THSD7B: variants seen among roughly 807,000 people sequenced by gnomAD.
The protein encoded by THSD7B is thrombospondin type 1 domain containing 7B.
A neutral mutation model predicts 213.6 loss-of-function variants in THSD7B; 138 were observed. That is an observed-to-expected ratio of 0.65 (90% CI 0.56 to 0.74). The LOEUF (loss-of-function observed/expected upper bound fraction) is 0.74. THSD7B is among the 30% of genes least tolerant of loss of function. The probability of loss-of-function intolerance (pLI) is 0.00; values close to 1 mark genes in which losing one functional copy is unlikely to be tolerated. For missense variants in THSD7B, 1,931 were observed against 1,991.5 expected (o/e 0.97, Z 0.58); for synonymous variants, 742 against 687.0 (o/e 1.08, Z -1.25).
At chr2:136,943,683 T>C (rs1222588392) in intron 2 of THSD7B, among the ~76,000 whole-genome samples, 1 of 152,246 alleles carries the variant, frequency 6.6e-6, no homozygotes, top group Non-Finnish European at 1.5e-5. Flanking sequence ...ATGTTTATAG[T>C]ATTCTCTGAT....
chr2:137,284,070 T>A (rs2104822744), intron 12 of THSD7B, among the ~76,000 whole-genome samples: 1 of 152,272 alleles, frequency 6.6e-6, no homozygotes, highest in Middle Eastern at 3.4e-3. Flanking sequence ...ATTGCCTCAA[T>A]TTCAGAGCCT....
chr2:136,900,249 A>G (rs1354277984), intron 2 of THSD7B, among the ~76,000 whole-genome samples: 1 of 152,204 alleles, frequency 6.6e-6, no homozygotes, highest in African/African-American at 2.4e-5. Context: ...TCTGTAAAAT[A>G]TTGGTCCTTG....
At chr2:136,834,317 G>T (rs1019117103) in intron 1 of THSD7B, among the ~76,000 whole-genome samples, 3 of 152,186 alleles carry the variant, frequency 2.0e-5, no homozygotes. Flanking sequence ...AGTGGCTATG[G>T]TCCTTTGCTG....
intron 1 of THSD7B, among the ~76,000 whole-genome samples, chr2:136,868,459 T>C (rs1381494308): frequency 2.0e-5 from 3 of 152,220 alleles, no homozygotes; most frequent in African/African-American, 7.2e-5. Context: ...TATAAACTTA[T>C]TATTTTAATG....
intron 15 of THSD7B, among the ~76,000 whole-genome samples, chr2:137,500,273 A>T (rs1185307363): frequency 6.6e-6 from 1 of 152,254 alleles, no homozygotes; most frequent in Non-Finnish European, 1.5e-5. Context: ...CAAGCTAAGT[A>T]TAGAAGTTGA....
intron 1 of THSD7B, among the ~76,000 whole-genome samples, chr2:136,863,673 G>T (rs1313588587): frequency 6.6e-6 from 1 of 152,138 alleles, no homozygotes; most frequent in Non-Finnish European, 1.5e-5. Flanking sequence ...AATGTATTTT[G>T]GTTGGCTTAG....
In THSD7B at chr2:137,056,571, T is replaced by C. The variant is rs1207580421; in HGVS notation, c.291T>C (p.Cys97=). The C allele has an allele frequency of 6.2e-7, 1 of 1,613,798 alleles. No individual in the cohort carries two copies. The highest frequency in any genetic ancestry group is 8.5e-7 in the Non-Finnish European group (1 of 1,179,882). The part of the protein sequence containing the change: ...PPKERSCFRV[C]DWHSDLFQWE... Reference sequence around the variant, plus strand: ...AGGAAAGAAGTTGTTTCCGAGTTTGTGACTGGCACAGTGACCTCTTTCAGT... The same window carrying C: ...AGGAAAGAAGTTGTTTCCGAGTTTGCGACTGGCACAGTGACCTCTTTCAGT... Residue 97 remains cysteine, a synonymous_variant, in exon 3 of 28, where the codon TGT becomes TGC. Transcript: ENST00000409968.
chr2:137,134,072 TA>T (rs1353231731), intron 5 of THSD7B, among the ~76,000 whole-genome samples: 1 of 152,212 alleles, frequency 6.6e-6, no homozygotes, highest in Non-Finnish European at 1.5e-5. Context: ...AAGTGCTATA[TA>T]AATGCTTCAT....
intron 2 of THSD7B, chr2:136,906,610 A>G (rs1316550638): frequency 6.6e-6 from 1 of 152,178 alleles, no homozygotes; most frequent in Admixed American, 6.6e-5. Flanking sequence ...ATATTGATAT[A>G]TTTGACTGGG....
At chr2:136,848,304 C>T (rs1027026752) in intron 1 of THSD7B, among the ~76,000 whole-genome samples, 4 of 152,126 alleles carry the variant, frequency 2.6e-5, no homozygotes, top group Non-Finnish European at 5.9e-5. Context: ...ACCTGGAAGG[C>T]TTGTGAAACA....
intron 27 of THSD7B, among the ~76,000 whole-genome samples, chr2:137,671,747 T>G (rs1683583512): frequency 1.3e-5 from 2 of 152,154 alleles, no homozygotes; most frequent in Admixed American, 1.3e-4. Context: ...AAGATGAGAT[T>G]TAGGTGGAGA....
chr2:137,073,547 A>C (rs887139947), intron 3 of THSD7B, among the ~76,000 whole-genome samples: 3 of 152,074 alleles, frequency 2.0e-5, no homozygotes, highest in Non-Finnish European at 2.9e-5. Context: ...TCCTGGATTC[A>C]TTGATTTTTG....
intron 3 of THSD7B, among the ~76,000 whole-genome samples, chr2:137,079,235 T>C (rs2104902438): frequency 6.6e-6 from 1 of 152,280 alleles, no homozygotes; most frequent in South Asian, 2.1e-4. Flanking sequence ...ATTTATTAAA[T>C]ATATATGTAC....
intron 4 of THSD7B, among the ~76,000 whole-genome samples, chr2:137,113,430 GT>G (rs1242838534): frequency 1.3e-5 from 2 of 151,720 alleles, no homozygotes; most frequent in Admixed American, 6.6e-5. Flanking sequence ...TTGTGTGTGT[GT>G]TTTTTTTGTT....
intron 12 of THSD7B, among the ~76,000 whole-genome samples, chr2:137,310,529 T>G (rs1313784623): frequency 6.6e-6 from 1 of 150,922 alleles, no homozygotes; most frequent in African/African-American, 2.4e-5. Flanking sequence ...TTTGTCAATT[T>G]TGGCTTTTGT....
chr2:137,643,129 C>T (rs1489792533), intron 21 of THSD7B, among the ~76,000 whole-genome samples: 1 of 152,170 alleles, frequency 6.6e-6, no homozygotes, highest in Admixed American at 6.5e-5. Flanking sequence ...ACATTTTCCT[C>T]AATGATTACT....
intron 2 of THSD7B, among the ~76,000 whole-genome samples, chr2:136,992,187 G>C (rs749330798): frequency 6.6e-6 from 1 of 152,170 alleles, no homozygotes; most frequent in Non-Finnish European, 1.5e-5. Flanking sequence ...TGACTAAACT[G>C]TCTTTGTTTC....
intron 27 of THSD7B, among the ~76,000 whole-genome samples, chr2:137,669,011 T>C (rs984840023): frequency 2.0e-5 from 3 of 152,156 alleles, no homozygotes; most frequent in African/African-American, 7.2e-5. Context: ...GGGTCAACTG[T>C]AGATTTTAAT....
intron 2 of THSD7B, among the ~76,000 whole-genome samples, chr2:137,046,227 C>T (rs935491863): frequency 6.6e-6 from 1 of 152,132 alleles, no homozygotes; most frequent in Non-Finnish European, 1.5e-5. Flanking sequence ...AATGTTTCTA[C>T]TTTCATGGAG....
Sources: allele counts gnomAD v4.1 joint callset (sites outside exome capture counted in the v4.1 genomes callset), GRCh38; gene constraint gnomAD v4.1.1; transcripts MANE v1.5; gene names NCBI Gene and HGNC (gene_info 2026-07-23, HGNC 2026-07-21).